The following RBFOX1 variants were observed in gnomAD, a reference collection of about 807,000 sequenced individuals.
RBFOX1 encodes the protein RNA binding protein fox-1 homolog 1.
RBFOX1 carries 8 observed loss-of-function variants against 57.7 expected under a neutral mutation model. The observed-to-expected ratio is 0.14, with a 90% CI of 0.08 to 0.25. The LOEUF (loss-of-function observed/expected upper bound fraction) is 0.25, where lower values mean the gene tolerates loss of function less well. RBFOX1 is among the 10% of genes least tolerant of loss of function. The pLI is 1.00. For missense variants in RBFOX1, 611 were observed against 548.5 expected (o/e 1.11, Z -1.14); for synonymous variants, 326 against 222.4 (o/e 1.47, Z -4.15).
At chr16:6,415,625 C>T (rs112296489) in intron 2 of RBFOX1, among the ~76,000 whole-genome samples, 4,925 of 152,034 alleles carry the variant, frequency 0.032, 110 homozygotes, top group Middle Eastern at 0.068. Flanking sequence ...CGCTTGAATC[C>T]GGGAGATGGA....
intron 4 of RBFOX1, among the ~76,000 whole-genome samples, chr16:5,927,650 T>C (rs2152241015): frequency 6.6e-6 from 1 of 152,364 alleles, no homozygotes; most frequent in Admixed American, 6.5e-5. Context: ...TGCAGTCTCA[T>C]GTTCATTGCA....
At chr16:6,693,821 C>G (rs902206172) in intron 3 of RBFOX1, among the ~76,000 whole-genome samples, 5 of 151,796 alleles carry the variant, frequency 3.3e-5, no homozygotes, top group African/African-American at 2.4e-5. Flanking sequence ...TCATCATTCT[C>G]CACTACCATC....
chr16:6,049,791 C>T (rs1249260376), intron 1 of RBFOX1, among the ~76,000 whole-genome samples: 1 of 152,158 alleles, frequency 6.6e-6, no homozygotes, highest in Non-Finnish European at 1.5e-5. Context: ...CCCACATTTG[C>T]ATAGCTTCCT....
At chr16:6,634,468 A>G (rs868783478) in intron 2 of RBFOX1, among the ~76,000 whole-genome samples, 99 of 150,764 alleles carry the variant, frequency 6.6e-4, no homozygotes, top group African/African-American at 2.3e-3. Context: ...TATATATTTA[A>G]TATAATAGAT....
intron 3 of RBFOX1, among the ~76,000 whole-genome samples, chr16:6,707,949 G>C (rs2063061145): frequency 6.6e-6 from 1 of 152,188 alleles, no homozygotes; most frequent in South Asian, 2.1e-4. Context: ...ATAGTGCAGA[G>C]GTAGAAGCAG....
At chr16:6,235,158 G>A (rs916672078) in intron 1 of RBFOX1, among the ~76,000 whole-genome samples, 1 of 152,096 alleles carries the variant, frequency 6.6e-6, no homozygotes, top group African/African-American at 2.4e-5. Flanking sequence ...TGAAATTCTT[G>A]TTGGCTCTTC....
At chr16:5,830,921 C>G (rs889162099) in intron 3 of RBFOX1, among the ~76,000 whole-genome samples, 2 of 152,184 alleles carry the variant, frequency 1.3e-5, no homozygotes, top group East Asian at 3.9e-4. Context: ...GATGCCCTCT[C>G]CTTGGCCAAA....
chr16:7,069,115 C>G (rs965939901), intron 4 of RBFOX1, among the ~76,000 whole-genome samples: 1 of 152,174 alleles, frequency 6.6e-6, no homozygotes, highest in African/African-American at 2.4e-5. Flanking sequence ...TTTTATCACC[C>G]ACTCCTTTAT....
At chr16:6,288,280 T>C (rs916506397) in intron 1 of RBFOX1, among the ~76,000 whole-genome samples, 1 of 152,190 alleles carries the variant, frequency 6.6e-6, no homozygotes, top group African/African-American at 2.4e-5. Flanking sequence ...GTTGTGCATA[T>C]GAGTCATGTA....
intron 1 of RBFOX1, among the ~76,000 whole-genome samples, chr16:5,307,599 C>G (rs2063971403): frequency 6.6e-6 from 1 of 152,186 alleles, no homozygotes; most frequent in Non-Finnish European, 1.5e-5. Context: ...TACCTGATCT[C>G]ACACACACCG....
chr16:6,455,553 C>T (rs1395398110), intron 2 of RBFOX1, among the ~76,000 whole-genome samples: 1 of 152,148 alleles, frequency 6.6e-6, no homozygotes, highest in Admixed American at 6.5e-5. Flanking sequence ...CTGATGAAAA[C>T]GATCACCATA....
chr16:7,263,042 C>G (rs534561183), intron 4 of RBFOX1, among the ~76,000 whole-genome samples: 8 of 152,214 alleles, frequency 5.3e-5, no homozygotes, highest in Non-Finnish European at 7.3e-5. Flanking sequence ...GGTGGAATGA[C>G]TGTTCTCTCC....
At position 5,955,118 on chromosome 16, in the gene RBFOX1, TAAAAAA is replaced by T. The variant is rs34488881; in HGVS notation, c.351+87805_351+87810del. Among the ~76,000 whole-genome samples, 24 of 14,288 alleles carry T rather than the reference TAAAAAA, an allele frequency of 1.7e-3. 1 individual carries two copies. Among genetic ancestry groups the T allele is most frequent in the South Asian group, 4.6e-3 (1 of 216 alleles). The allele number at this position is 14,288 out of a possible 152,430, so 9.4% of individuals were successfully genotyped here. On this transcript the variant is annotated intron_variant, in intron 4 of 19. Transcript: ENST00000641259. Reference sequence around the variant, plus strand: ...CAACAGGGTGAAACTCCATCTCTACTAAAAAAAAAAAAAAAAAAAAAAAAAAAGCCA... The same window carrying T: ...CAACAGGGTGAAACTCCATCTCTACTAAAAAAAAAAAAAAAAAAAAAGCCA...
chr16:5,334,106 G>T (rs1403320362), intron 1 of RBFOX1, among the ~76,000 whole-genome samples: 1 of 152,182 alleles, frequency 6.6e-6, no homozygotes, highest in Non-Finnish European at 1.5e-5. Context: ...AGGGTTTAGG[G>T]CGAGAGCTTA....
intron 3 of RBFOX1, among the ~76,000 whole-genome samples, chr16:5,634,060 G>A (rs749616560): frequency 1.3e-5 from 2 of 152,134 alleles, no homozygotes; most frequent in East Asian, 3.9e-4. Context: ...TCAAATAAGC[G>A]TCATTAGTTG....
chr16:6,892,798 C>A (rs888185907), intron 3 of RBFOX1, among the ~76,000 whole-genome samples: 1 of 136,132 alleles, frequency 7.3e-6, no homozygotes, highest in Non-Finnish European at 1.6e-5. Flanking sequence ...CTCTCTCTCT[C>A]TCTCTCTCTC....
chr16:6,041,083 A>G (rs946073189), intron 1 of RBFOX1, among the ~76,000 whole-genome samples: 2 of 152,128 alleles, frequency 1.3e-5, no homozygotes, highest in African/African-American at 4.8e-5. Flanking sequence ...CCCTGCTGTA[A>G]AAGTCTCCTG....
At chr16:5,347,003 T>A (rs75060859) in intron 1 of RBFOX1, among the ~76,000 whole-genome samples, 1 of 152,146 alleles carries the variant, frequency 6.6e-6, no homozygotes, top group African/African-American at 2.4e-5. Flanking sequence ...AAACTTTTTT[T>A]TTTTGCTAAC....
chr16:5,433,010 T>C (rs1312631654), intron 1 of RBFOX1, among the ~76,000 whole-genome samples: 1 of 152,090 alleles, frequency 6.6e-6, no homozygotes, highest in Non-Finnish European at 1.5e-5. Flanking sequence ...GGTCTCAAAC[T>C]CCTGACCTCA....
Sources: allele counts gnomAD v4.1 joint callset (sites outside exome capture counted in the v4.1 genomes callset), GRCh38; gene constraint gnomAD v4.1.1; transcripts MANE v1.5; gene names NCBI Gene and HGNC (gene_info 2026-07-23, HGNC 2026-07-21).